Variants in LDAH observed in about 807,000 individuals in gnomAD.
LDAH encodes the protein lipid droplet associated hydrolase, also known as lipid droplet-associated hydrolase.
In LDAH, 26 loss-of-function variants were observed where a neutral mutation model predicts 29.6. The observed-to-expected ratio is 0.88, with a 90% CI of 0.64 to 1.22. LDAH has a LOEUF of 1.22. LDAH is among the 50% of genes most tolerant of loss of function. LDAH has a pLI of 0.00. For missense variants in LDAH, 344 were observed against 387.3 expected (o/e 0.89, Z 0.94); for synonymous variants, 117 against 133.0 (o/e 0.88, Z 0.83).
At chr2:20,782,351 C>T (rs1469957773) in intron 3 of LDAH, among the ~76,000 whole-genome samples, 11 of 152,184 alleles carry the variant, frequency 7.2e-5, no homozygotes, top group African/African-American at 1.2e-4. Context: ...TTCAAATGTT[C>T]GCTTCTGTCT....
Position 20,730,111 on chromosome 2 carries a change from G to C in LDAH, c.703+9860C>G, listed in dbSNP as rs1666295402. 2.6e-5 allele frequency among the ~76,000 whole-genome samples: 4 copies of C among 152,180 alleles called. No individual in the cohort carries two copies. In the South Asian group the frequency reaches 8.3e-4, roughly 32 times the overall value. ...TTTTCACTGAGCATAATTCTCTGGA[G>C]ATGGACACAGGTTGCTGTGTGTATT... On this transcript the variant is annotated intron_variant, in intron 5 of 6. Coordinates refer to ENST00000237822, the MANE Select transcript of LDAH (RefSeq NM_021925.4).
rs116262847 is a variant in LDAH, at chr2:20,746,849, C to T, written c.469-6644G>A. ...TCATTCTATCCTAAGAAAACATTTT[C>T]GCATATTTCACATTCTCTTCTGTTA... On this transcript the variant is annotated intron_variant, in intron 4 of 6. Transcript: ENST00000237822. Among the ~76,000 whole-genome samples, 1,186 of 152,084 alleles carry T rather than the reference C, an allele frequency of 7.8e-3. 18 individuals are homozygous for T. The highest frequency in any genetic ancestry group is 0.027 in the African/African-American group (1,136 of 41,504).
chr2:20,712,999 G>C (rs1434571565), intron 5 of LDAH, among the ~76,000 whole-genome samples: 3 of 152,212 alleles, frequency 2.0e-5, no homozygotes, highest in African/African-American at 4.8e-5. Flanking sequence ...TCCCAACCTA[G>C]CAAGGCAGGC....
chr2:20,717,219 C>A (rs1665282990), intron 5 of LDAH, among the ~76,000 whole-genome samples: 1 of 152,088 alleles, frequency 6.6e-6, no homozygotes, highest in Admixed American at 6.5e-5. Context: ...TAGTAGGACA[C>A]TACAACACTA....
At chr2:20,722,008 G>A (rs1438696862) in intron 5 of LDAH, among the ~76,000 whole-genome samples, 3 of 152,206 alleles carry the variant, frequency 2.0e-5, no homozygotes, top group Non-Finnish European at 4.4e-5. Context: ...GGGATTGGAG[G>A]TTATTATGTT....
intron 4 of LDAH, among the ~76,000 whole-genome samples, chr2:20,755,684 A>T (rs1668294238): frequency 6.6e-6 from 1 of 152,176 alleles, no homozygotes; most frequent in Non-Finnish European, 1.5e-5. Context: ...TCTGTGTAGA[A>T]ATAGAAGAAA....
At chr2:20,796,672 A>G (rs542122574) in intron 2 of LDAH, among the ~76,000 whole-genome samples, 4 of 152,340 alleles carry the variant, frequency 2.6e-5, no homozygotes, top group African/African-American at 9.6e-5. Flanking sequence ...AGTTCCCTGC[A>G]GGGCTTGTTA....
chr2:20,798,350 AG>A (rs1558489181), intron 2 of LDAH, among the ~76,000 whole-genome samples: 1 of 152,162 alleles, frequency 6.6e-6, no homozygotes, highest in African/African-American at 2.4e-5. Flanking sequence ...CTGGAGCCAA[AG>A]GACAGAGCAT....
At chr2:20,809,732 A>T (rs1197726581) in intron 1 of LDAH, among the ~76,000 whole-genome samples, 2 of 152,242 alleles carry the variant, frequency 1.3e-5, no homozygotes, top group African/African-American at 4.8e-5. Context: ...TCAGCGAATA[A>T]ACATAAGGGC....
In LDAH at chr2:20,823,064, C is replaced by G. The variant is rs992855456; in HGVS notation, c.-30G>C. On this transcript the variant is annotated 5_prime_UTR_variant, in exon 1 of 7. Coordinates refer to ENST00000237822, the MANE Select transcript of LDAH (RefSeq NM_021925.4). ...GTCCACCTGGAAGGCTGCCCGCTCT[C>G]CCTGAGGGTCCTGGGAAGGCGGCAC... 1 of 152,380 alleles carries G rather than the reference C, an allele frequency of 6.6e-6. No homozygotes were observed. Among genetic ancestry groups the G allele is most frequent in the African/African-American group, 2.4e-5 (1 of 41,462 alleles). The allele number at this position is 152,380 out of a possible 1,614,324, so 9.4% of individuals were successfully genotyped here.
chr2:20,744,342 G>C (rs1247183307), intron 4 of LDAH, among the ~76,000 whole-genome samples: 1 of 151,864 alleles, frequency 6.6e-6, no homozygotes. Context: ...TAGCAGTTAG[G>C]TGGGGGAAAG....
chr2:20,727,012 A>G (rs1029302027), intron 5 of LDAH, among the ~76,000 whole-genome samples: 1 of 152,224 alleles, frequency 6.6e-6, no homozygotes, highest in African/African-American at 2.4e-5. Flanking sequence ...CCGAAAAACA[A>G]AAACAAAAAC....
chr2:20,818,850 T>C (rs571997024), intron 1 of LDAH, among the ~76,000 whole-genome samples: 5 of 152,094 alleles, frequency 3.3e-5, no homozygotes, highest in Non-Finnish European at 7.4e-5. Context: ...TGGTAATGAG[T>C]GTATGTTACA....
chr2:20,709,764 T>C (rs774495650), intron 5 of LDAH, among the ~76,000 whole-genome samples: 2 of 152,114 alleles, frequency 1.3e-5, no homozygotes, highest in African/African-American at 2.4e-5. Flanking sequence ...CACCAATTGA[T>C]GAATGGAAAG....
At chr2:20,815,150 T>G (rs1672763575) in intron 1 of LDAH, among the ~76,000 whole-genome samples, 1 of 152,076 alleles carries the variant, frequency 6.6e-6, no homozygotes, top group Admixed American at 6.5e-5. Context: ...TAATTAAAAT[T>G]AAAAACTTGC....
intron 4 of LDAH, among the ~76,000 whole-genome samples, chr2:20,754,827 C>T (rs1181464439): frequency 1.3e-5 from 2 of 152,090 alleles, no homozygotes; most frequent in East Asian, 3.9e-4. Flanking sequence ...TGAGATGTTT[C>T]ATACTAAAGG....
intron 5 of LDAH, among the ~76,000 whole-genome samples, chr2:20,702,616 T>G (rs542858300): frequency 6.6e-6 from 1 of 152,352 alleles, no homozygotes; most frequent in African/African-American, 2.4e-5. Context: ...TTTAACAAAT[T>G]TCTTTTCATT....
At chr2:20,717,556 G>A (rs1009834133) in intron 5 of LDAH, among the ~76,000 whole-genome samples, 13 of 152,066 alleles carry the variant, frequency 8.5e-5, no homozygotes, top group African/African-American at 2.9e-4. Flanking sequence ...AGTGCCAAAT[G>A]GACTCACAGA....
intron 4 of LDAH, among the ~76,000 whole-genome samples, chr2:20,751,088 A>C (rs1385100270): frequency 3.9e-5 from 6 of 152,352 alleles, no homozygotes; most frequent in African/African-American, 1.4e-4. Context: ...AAACCTCAAC[A>C]TCATGCAATA....
Sources: gnomAD v4.1 joint callset for allele counts (sites outside exome capture counted in the v4.1 genomes callset) on GRCh38, gnomAD v4.1.1 for gene constraint, MANE v1.5 for transcripts, NCBI Gene and HGNC (gene_info 2026-07-23, HGNC 2026-07-21) for gene names.